IFNAR1: variants seen among roughly 807,000 people sequenced by gnomAD.
IFNAR1 encodes interferon alpha and beta receptor subunit 1.
A neutral mutation model predicts 62.1 loss-of-function variants in IFNAR1; 47 were observed. That is an observed-to-expected ratio of 0.76 (90% CI 0.60 to 0.97). The LOEUF (loss-of-function observed/expected upper bound fraction) is 0.97, where lower values mean the gene tolerates loss of function less well. Ranked by LOEUF, IFNAR1 falls within the 50% of genes least tolerant of loss-of-function variation. IFNAR1 has a pLI of 0.00. For missense variants in IFNAR1, 638 were observed against 654.5 expected, an observed-to-expected ratio of 0.97 and a Z score of 0.27; for synonymous variants, 219 against 226.9, an observed-to-expected ratio of 0.97 and a Z score of 0.31.
intron 5 of IFNAR1, 93 bp downstream of exon 5, chr21:33,343,769 G>C (rs2123686364): frequency 1.4e-6 from 1 of 735,348 alleles, no homozygotes; most frequent in East Asian, 2.5e-5. Context: ...TACATGATAG[G>C]TCAATATATG....
At position 33,359,203 on chromosome 21, in the gene IFNAR1, C is replaced by T. The variant is rs1263428657; in HGVS notation, c.*3654C>T. 1 of 152,104 alleles carries T rather than the reference C, an allele frequency of 6.6e-6. No individual in the cohort carries two copies. The highest frequency in any genetic ancestry group is 1.5e-5 in the Non-Finnish European group (1 of 68,016). 9.4% of individuals were successfully genotyped at this position (152,104 alleles called of 1,614,324 possible). On this transcript the variant is annotated 3_prime_UTR_variant, in exon 11 of 11. Transcript: ENST00000270139. ...TTGTAGAAGGACATAACCGTGTTTT[C>T]AGTGTTTCTATGGAACAAACTTGTA...
chr21:33,324,902 TCAGAA>T, upstream of IFNAR1: 5 of 642,898 alleles, frequency 7.8e-6, no homozygotes, highest in South Asian at 1.8e-5. Context: ...GGTGTGTGTG[TCAGAA>T]GAGGCGGCGC....
At position 33,356,127 on chromosome 21, in the gene IFNAR1, A is replaced by C. The variant is rs1298515679; in HGVS notation, c.*578A>C. On this transcript the variant is annotated 3_prime_UTR_variant, in exon 11 of 11. Transcript: ENST00000270139. ...TGGATGAGATGAGTCAGACCAAAAC[A>C]GTGGCCACCCGTCTTCCTCCTGTGA... 2 of 152,218 alleles carry C rather than the reference A, an allele frequency of 1.3e-5. No individual in the cohort carries two copies. The highest frequency in any genetic ancestry group is 4.8e-5 in the African/African-American group (2 of 41,452). The allele number at this position is 152,218 out of a possible 1,614,324, so 9.4% of individuals were successfully genotyped here.
chr21:33,341,052 C>T lies in IFNAR1; in HGVS notation c.254C>T (p.Thr85Ile). 6.2e-7 allele frequency: 1 copy of T among 1,612,212 alleles called. No individual in the cohort carries two copies. The highest frequency in any genetic ancestry group is 8.5e-7 in the Non-Finnish European group (1 of 1,178,582). ...TCTGGGTGTCAGAATATTACTAGTA[C>T]CAAATGCAACTTTTCTTCACTCAAG... ...KLSGCQNITS[T>I]KCNFSSLKLN... The change falls in exon 3 of 11, where the codon ACC becomes ATC. Residue 85 changes from threonine (T) to isoleucine (I), a missense_variant. Transcript: ENST00000270139.
intron 1 of IFNAR1, among the ~76,000 whole-genome samples, chr21:33,330,309 C>T (rs73364222): frequency 0.011 from 1,659 of 152,248 alleles, 37 homozygotes; most frequent in African/African-American, 0.037. Flanking sequence ...CCACTCACTC[C>T]CCTGCCCCAT....
chr21:33,328,434 C>T (rs1200288142), intron 1 of IFNAR1, among the ~76,000 whole-genome samples: 1 of 152,108 alleles, frequency 6.6e-6, no homozygotes, highest in Non-Finnish European at 1.5e-5. Context: ...CTTTGGAATG[C>T]CCTTGGTCAG....
chr21:33,330,818 A>C (rs1436791232), intron 1 of IFNAR1, among the ~76,000 whole-genome samples: 1 of 152,168 alleles, frequency 6.6e-6, no homozygotes, highest in East Asian at 1.9e-4. Context: ...GCAAGGAGAT[A>C]AACAAGAAGA....
At chr21:33,344,126 G>A (rs1027499912) in intron 5 of IFNAR1, among the ~76,000 whole-genome samples, 15 of 152,050 alleles carry the variant, frequency 9.9e-5, no homozygotes, top group African/African-American at 3.6e-4. Flanking sequence ...ACTCCAGTCG[G>A]GAGCAAGGGG....
intron 8 of IFNAR1, 122 bp downstream of exon 8, chr21:33,349,665 C>T: frequency 2.8e-6 from 2 of 704,712 alleles, no homozygotes; most frequent in Non-Finnish European, 4.6e-6. Context: ...ATGCAGTGGC[C>T]TGTAATCCCA....
At chr21:33,343,449 A>T in intron 4 of IFNAR1, 27 bp downstream of exon 4, 7 of 1,597,328 alleles carry the variant, frequency 4.4e-6, no homozygotes, top group Non-Finnish European at 6.0e-6. Flanking sequence ...CCTCTGTTTA[A>T]TCGATGTGAG....
chr21:33,354,111 G>A (rs1414876285), intron 10 of IFNAR1, among the ~76,000 whole-genome samples: 1 of 152,248 alleles, frequency 6.6e-6, no homozygotes, highest in Admixed American at 6.5e-5. Flanking sequence ...GGGAGGCTGA[G>A]GCGGGTGGGT....
intron 2 of IFNAR1, among the ~76,000 whole-genome samples, chr21:33,339,385 G>A (rs1263385752): frequency 1.3e-5 from 2 of 151,926 alleles, no homozygotes; most frequent in Non-Finnish European, 2.9e-5. Flanking sequence ...GTATATTTTT[G>A]GTAATTTCTT....
Position 33,355,799 on chromosome 21 carries a change from T to C in IFNAR1, c.*250T>C, listed in dbSNP as rs559919285. On this transcript the variant is annotated 3_prime_UTR_variant, in exon 11 of 11. Coordinates refer to ENST00000270139, the MANE Select transcript of IFNAR1 (RefSeq NM_000629.3). ...TTGGGAGGCTGAGGCAGGCAGATCATGAGGTCAAGAGATCGAGACCAGCCT... is the reference window on the plus strand; with the variant it reads ...TTGGGAGGCTGAGGCAGGCAGATCACGAGGTCAAGAGATCGAGACCAGCCT... 8 of 209,090 alleles carry C rather than the reference T, an allele frequency of 3.8e-5. No homozygotes were observed. The highest frequency in any genetic ancestry group is 5.5e-5 in the Admixed American group (1 of 18,242). 13.0% of individuals were successfully genotyped at this position (209,090 alleles called of 1,614,324 possible).
Position 33,332,462 on chromosome 21 carries a change from A to G in IFNAR1, c.77-3062A>G, listed in dbSNP as rs572080228. ...TATCCTATCAACACAAAGACACAAA[A>G]ACATGAAAAAGCAAGGAAATATGAC... On this transcript the variant is annotated intron_variant, in intron 1 of 10. Transcript: ENST00000270139. 2.2e-4 allele frequency among the ~76,000 whole-genome samples: 34 copies of G among 152,298 alleles called. 1 individual carries two copies. In the Middle Eastern group the frequency reaches 0.017, roughly 76 times the overall value.
chr21:33,329,645 T>C (rs565597203), intron 1 of IFNAR1, among the ~76,000 whole-genome samples: 25 of 152,268 alleles, frequency 1.6e-4, no homozygotes, highest in African/African-American at 5.1e-4. Context: ...AAAAGAAATA[T>C]TGTAGGAACC....
chr21:33,343,890 C>T (rs1477566026), intron 5 of IFNAR1, among the ~76,000 whole-genome samples: 4 of 152,076 alleles, frequency 2.6e-5, no homozygotes, highest in African/African-American at 9.7e-5. Context: ...GCGTAGTGGC[C>T]CACGCCTGTA....
chr21:33,347,308 T>G (rs1697426519), intron 6 of IFNAR1, among the ~76,000 whole-genome samples: 1 of 152,174 alleles, frequency 6.6e-6, no homozygotes, highest in African/African-American at 2.4e-5. Flanking sequence ...TTTTGTAGTT[T>G]TAGTAGAAAC....
chr21:33,332,096 G>A (rs778678289), intron 1 of IFNAR1, among the ~76,000 whole-genome samples: 2 of 152,180 alleles, frequency 1.3e-5, no homozygotes, highest in Non-Finnish European at 2.9e-5. Context: ...AGCTGCTGCA[G>A]CTGCATATAT....
intron 6 of IFNAR1, among the ~76,000 whole-genome samples, 180 bp downstream of exon 6, chr21:33,345,540 C>T (rs1568931033): frequency 6.6e-6 from 1 of 152,166 alleles, no homozygotes; most frequent in East Asian, 1.9e-4. Flanking sequence ...AACTGGATGA[C>T]ATTGAGCTAA....
Sources: allele counts gnomAD v4.1 joint callset (sites outside exome capture counted in the v4.1 genomes callset), GRCh38; gene constraint gnomAD v4.1.1; transcripts MANE v1.5; gene names NCBI Gene and HGNC (gene_info 2026-07-23, HGNC 2026-07-21).